TGM2: variants seen among roughly 807,000 people sequenced by gnomAD.
TGM2 encodes transglutaminase 2, also known as protein-glutamine gamma-glutamyltransferase 2.
Under a neutral mutation model 75.6 loss-of-function variants are expected in TGM2, and 53 were observed. The observed-to-expected ratio is 0.70, with a 90% CI of 0.56 to 0.88. The LOEUF (loss-of-function observed/expected upper bound fraction) is 0.88. Among genes scored for constraint, TGM2 ranks in the 40% least tolerant of loss-of-function variants. The pLI, the probability that TGM2 is intolerant of heterozygous loss-of-function variation, is 0.00. For synonymous variants in TGM2, 374 were observed against 381.1 expected (o/e 0.98, Z 0.22); for missense variants, 842 against 928.5 (o/e 0.91, Z 1.21).
At chr20:38,143,224 A>T (rs1053773716) in intron 6 of TGM2, among the ~76,000 whole-genome samples, 2 of 152,208 alleles carry the variant, frequency 1.3e-5, no homozygotes, top group African/African-American at 2.4e-5. Flanking sequence ...AGACTCAAAC[A>T]GCAGAACAGG....
intron 7 of TGM2, among the ~76,000 whole-genome samples, chr20:38,141,589 C>T (rs1313336926): frequency 1.3e-5 from 2 of 152,062 alleles, no homozygotes; most frequent in East Asian, 1.9e-4. Flanking sequence ...CCCACTCCTA[C>T]ACCTCAGAGC....
chr20:38,158,202 C>T lies in TGM2; in HGVS notation c.191-2113G>A, dbSNP rs145165287. 1.8e-3 allele frequency among the ~76,000 whole-genome samples: 280 copies of T among 152,336 alleles called. 1 individual carries two copies. Among genetic ancestry groups the T allele is most frequent in the African/African-American group, 5.6e-3 (232 of 41,572 alleles). Reference sequence around the variant, plus strand: ...TCACCCTTGGGGACAAGTCAGGAAACGCATTTCCCTTTCTCTCTATCTTGG... The same window carrying T: ...TCACCCTTGGGGACAAGTCAGGAAATGCATTTCCCTTTCTCTCTATCTTGG... On this transcript the variant is annotated intron_variant, in intron 2 of 12. Transcript: ENST00000361475.
chr20:38,156,851 G>A (rs763554848), intron 2 of TGM2, among the ~76,000 whole-genome samples: 4 of 152,218 alleles, frequency 2.6e-5, no homozygotes, highest in African/African-American at 9.6e-5. Context: ...AGGAGTTTGT[G>A]GCAAAGGTCG....
rs1235246478 is a variant in TGM2, at chr20:38,138,394, G to T, written c.1343-9C>A. 2 of 1,613,486 alleles carry T rather than the reference G, an allele frequency of 1.2e-6. No individual in the cohort carries two copies. Among genetic ancestry groups the T allele is most frequent in the Non-Finnish European group, 8.5e-7 (1 of 1,180,044 alleles). ...CCTCTCCTCTGAGGACCCTGTAGGG[G>T]TTGAGAAGAGAGCCTCAATCACAGC... On this transcript the variant is annotated splice_polypyrimidine_tract_variant and intron_variant, in intron 9 of 12. Coordinates refer to ENST00000361475, the MANE Select transcript of TGM2 (RefSeq NM_004613.4).
Position 38,139,621 on chromosome 20 carries a change from G to A in TGM2, c.1133C>T (p.Ala378Val). ...GGTGCTCAGGTCGCCCTCCTTGATG[G>A]CACGAACTGGAACTGGGCCACAGCA... ...TYCCGPVPVR[A>V]IKEGDLSTKY... The change falls in exon 9 of 13, where the codon GCC becomes GTC. Residue 378 changes from alanine to valine, a missense_variant. Ala to Val is a moderately conservative substitution (Grantham distance 64). Transcript: ENST00000361475. The A allele has an allele frequency of 2.5e-6, 4 of 1,614,164 alleles. No homozygotes were observed. Among genetic ancestry groups the A allele is most frequent in the Non-Finnish European group, 3.4e-6 (4 of 1,180,038 alleles).
At chr20:38,154,279 T>G (rs1030963678) in intron 3 of TGM2, among the ~76,000 whole-genome samples, 2 of 152,288 alleles carry the variant, frequency 1.3e-5, no homozygotes, top group Middle Eastern at 3.4e-3. Context: ...GATAAAGCAG[T>G]GGGCCAGCAA....
chr20:38,158,137 G>A (rs1019649955), intron 2 of TGM2, among the ~76,000 whole-genome samples: 3 of 152,214 alleles, frequency 2.0e-5, no homozygotes, highest in African/African-American at 4.8e-5. Flanking sequence ...GTGGCAACAG[G>A]CCTGGGCCAG....
chr20:38,160,250 C>T (rs1027941554), intron 2 of TGM2, among the ~76,000 whole-genome samples: 5 of 152,250 alleles, frequency 3.3e-5, no homozygotes, highest in African/African-American at 1.2e-4. Flanking sequence ...CCTTTCCCAA[C>T]CCGAGTCCTA....
intron 3 of TGM2, among the ~76,000 whole-genome samples, chr20:38,154,871 C>T (rs1211138027): frequency 5.3e-5 from 8 of 152,092 alleles, no homozygotes; most frequent in Admixed American, 3.9e-4. Context: ...TTTGGCAGGC[C>T]GAGGCGGGTG....
intron 2 of TGM2, among the ~76,000 whole-genome samples, chr20:38,158,999 G>A (rs1004788147): frequency 6.6e-6 from 1 of 152,178 alleles, no homozygotes; most frequent in Non-Finnish European, 1.5e-5. Context: ...CTCTTCCGTG[G>A]CTGCCTACAG....
chr20:38,133,434 A>T (rs760565362), intron 10 of TGM2: 1 of 155,994 alleles, frequency 6.4e-6, no homozygotes, highest in African/African-American at 2.4e-5. Flanking sequence ...CAAAAGCCGC[A>T]CAGTGATATG....
chr20:38,153,839 CAG>C (rs1279118059), intron 3 of TGM2, among the ~76,000 whole-genome samples: 6 of 152,002 alleles, frequency 3.9e-5, no homozygotes, highest in African/African-American at 1.4e-4. Flanking sequence ...TTTTTGGAGA[CAG>C]AGTCTTGCTC....
In TGM2 at chr20:38,129,845, C is replaced by A; in HGVS notation, c.*374G>T. The A allele has an allele frequency of 3.9e-6, 1 of 254,952 alleles. No homozygotes were observed. The highest frequency in any genetic ancestry group is 7.8e-6 in the Non-Finnish European group (1 of 128,664). The allele number at this position is 254,952 out of a possible 1,614,324, so 15.8% of individuals were successfully genotyped here. A position where few individuals can be genotyped will look rare whatever the true frequency, so the allele number is the denominator to read the frequency against. On this transcript the variant is annotated 3_prime_UTR_variant, in exon 13 of 13. Coordinates refer to ENST00000361475, the MANE Select transcript of TGM2 (RefSeq NM_004613.4). ...TGATCCAGCCAAGGGGCATGCTGTC[C>A]CTTTTTTGCCTGCTCCAAGGAGCTA... is the stretch of plus-strand genomic sequence containing the variant.
At chr20:38,161,282 T>C in intron 2 of TGM2, 138 bp downstream of exon 2, 2 of 1,193,006 alleles carry the variant, frequency 1.7e-6, no homozygotes, top group East Asian at 2.6e-5. Flanking sequence ...ATGGGGCTGA[T>C]GACAGGTGGC....
At chr20:38,154,896 G>A (rs184984751) in intron 3 of TGM2, among the ~76,000 whole-genome samples, 5 of 152,310 alleles carry the variant, frequency 3.3e-5, no homozygotes, top group South Asian at 4.1e-4. Flanking sequence ...ACCTGAGGAC[G>A]GTAGCTCGGG....
intron 4 of TGM2, among the ~76,000 whole-genome samples, chr20:38,149,399 C>T (rs957190650): frequency 2.6e-5 from 4 of 152,096 alleles, no homozygotes; most frequent in East Asian, 1.9e-4. Context: ...CCCTGTGGGC[C>T]GGGCGCGGTG....
At chr20:38,153,999 T>A (rs1326778918) in intron 3 of TGM2, among the ~76,000 whole-genome samples, 2 of 152,298 alleles carry the variant, frequency 1.3e-5, no homozygotes, top group Non-Finnish European at 2.9e-5. Context: ...GTATTTTTTA[T>A]AGAGACGGTG....
At chr20:38,160,762 T>G (rs1191848886) in intron 2 of TGM2, among the ~76,000 whole-genome samples, 2 of 152,342 alleles carry the variant, frequency 1.3e-5, no homozygotes, top group East Asian at 3.9e-4. Context: ...AGTGCCTGGC[T>G]GGGTTGCGTG....
chr20:38,130,016 TC>T lies in TGM2; in HGVS notation c.*202del, dbSNP rs1335608814. 1.5e-6 allele frequency: 1 copy of T among 666,178 alleles called. No individual in the cohort carries two copies. Among genetic ancestry groups the T allele is most frequent in the Non-Finnish European group, 2.5e-6 (1 of 396,370 alleles). The allele number at this position is 666,178 out of a possible 1,614,324, so 41.3% of individuals were successfully genotyped here. On this transcript the variant is annotated 3_prime_UTR_variant, in exon 13 of 13. Coordinates refer to ENST00000361475, the MANE Select transcript of TGM2 (RefSeq NM_004613.4). ...CACTGTTTCTGGCACAGAGCATTCC[TC>T]ACAGCAAAGGGGGTGAGTGGGGACC...
Sources: gnomAD v4.1 joint callset for allele counts (sites outside exome capture counted in the v4.1 genomes callset) on GRCh38, gnomAD v4.1.1 for gene constraint, MANE v1.5 for transcripts, NCBI Gene and HGNC (gene_info 2026-07-23, HGNC 2026-07-21) for gene names.